The following CHRM3 variants were observed in gnomAD, a reference collection of about 807,000 sequenced individuals.
The protein encoded by CHRM3 is muscarinic acetylcholine receptor M3.
In CHRM3, 11 loss-of-function variants were observed where a neutral mutation model predicts 41.8. That is an observed-to-expected ratio of 0.26 (90% CI 0.17 to 0.44). CHRM3 has a LOEUF of 0.44. Ranked by LOEUF, CHRM3 falls within the 20% of genes least tolerant of loss-of-function variation. CHRM3 has a pLI of 1.00. For missense variants in CHRM3, 571 were observed against 745.4 expected (o/e 0.77, Z 2.72); for synonymous variants, 297 against 301.4 (o/e 0.99, Z 0.15).
chr1:239,643,029 A>C (rs1233558612), intron 4 of CHRM3, among the ~76,000 whole-genome samples: 3 of 152,022 alleles, frequency 2.0e-5, no homozygotes, highest in South Asian at 2.1e-4. Context: ...CTAGAGGTCC[A>C]CTCCAGACCC....
chr1:239,629,985 A>G (rs1286876160), intron 3 of CHRM3, among the ~76,000 whole-genome samples: 1 of 152,200 alleles, frequency 6.6e-6, no homozygotes, highest in Non-Finnish European at 1.5e-5. Flanking sequence ...CTCTAAATGA[A>G]TGTTACATGC....
chr1:239,859,821 A>ATATATATATATT lies in CHRM3; in HGVS notation c.-20+32454_-20+32455insTTATATATATAT, dbSNP rs1159347791. On this transcript the variant is annotated intron_variant, in intron 6 of 6. Coordinates refer to ENST00000676153, the MANE Select transcript of CHRM3 (RefSeq NM_001375978.1). ...ATTATATATAAGTTCTAAGTGTTTTATATATATATATATATATATATATAT... is the reference window on the plus strand; with the variant it reads ...ATTATATATAAGTTCTAAGTGTTTTATATATATATATTTATATATATATATATATATATATAT... Among the ~76,000 whole-genome samples, 305 of 32,370 alleles carry ATATATATATATT rather than the reference A, an allele frequency of 9.4e-3. 1 individual carries two copies. Among genetic ancestry groups the ATATATATATATT allele is most frequent in the African/African-American group, 0.017 (284 of 16,614 alleles). The allele number at this position is 32,370 out of a possible 152,430, so 21.2% of individuals were successfully genotyped here.
chr1:239,653,223 AG>A (rs1391788318), intron 4 of CHRM3, among the ~76,000 whole-genome samples: 3 of 152,100 alleles, frequency 2.0e-5, no homozygotes, highest in African/African-American at 7.2e-5. Flanking sequence ...ATCACGAGTA[AG>A]GGGGATTCCT....
rs141776355 is a variant in CHRM3, at chr1:239,437,528, C to G, written c.-521+50301C>G. Among the ~76,000 whole-genome samples the G allele has an allele frequency of 3.1e-3, 478 of 152,240 alleles. 6 individuals are homozygous for G. Among genetic ancestry groups the G allele is most frequent in the African/African-American group, 0.011 (454 of 41,550 alleles). ...AATTGTGGTGACATGGAAAGCCTTTCTTTTTATTTTTATTTTTATTTTTTT... is the reference window on the plus strand; with the variant it reads ...AATTGTGGTGACATGGAAAGCCTTTGTTTTTATTTTTATTTTTATTTTTTT... On this transcript the variant is annotated intron_variant, in intron 1 of 6. Transcript: ENST00000676153.
In CHRM3 at chr1:239,858,784, G is replaced by T. The variant is rs143397541; in HGVS notation, c.-20+31406G>T. On this transcript the variant is annotated intron_variant, in intron 6 of 6. Transcript: ENST00000676153. Reference sequence around the variant, plus strand: ...ATTTGTTCCTAGAGCCCCTCCCCCAGCAGCTACCAGTCTGTTTTCTGTGTC... The same window carrying T: ...ATTTGTTCCTAGAGCCCCTCCCCCATCAGCTACCAGTCTGTTTTCTGTGTC... 5.9e-5 allele frequency among the ~76,000 whole-genome samples: 9 copies of T among 152,214 alleles called. No individual in the cohort carries two copies. In the East Asian group the frequency reaches 7.7e-4, roughly 13 times the overall value.
At chr1:239,450,701 G>T (rs1192515354) in intron 1 of CHRM3, among the ~76,000 whole-genome samples, 3 of 152,106 alleles carry the variant, frequency 2.0e-5, no homozygotes, top group African/African-American at 7.2e-5. Context: ...TGCCAAATGG[G>T]CCCCTAGAGA....
At chr1:239,714,788 G>A (rs1158826225) in intron 5 of CHRM3, among the ~76,000 whole-genome samples, 2 of 152,106 alleles carry the variant, frequency 1.3e-5, no homozygotes, top group African/African-American at 4.8e-5. Flanking sequence ...CAAGGAAGGA[G>A]GCAAAATTTG....
chr1:239,532,015 T>TTC (rs1334061460), intron 2 of CHRM3, among the ~76,000 whole-genome samples: 1 of 119,220 alleles, frequency 8.4e-6, no homozygotes, highest in African/African-American at 3.1e-5. Flanking sequence ...CTTTCTTTTT[T>TTC]TTTTTTTTTT....
chr1:239,415,002 T>C (rs887232480), intron 1 of CHRM3, among the ~76,000 whole-genome samples: 1 of 152,214 alleles, frequency 6.6e-6, no homozygotes, highest in Non-Finnish European at 1.5e-5. Flanking sequence ...TATAATGAAC[T>C]GCAAACAGGT....
At chr1:239,400,268 G>A (rs1225294180) in intron 1 of CHRM3, among the ~76,000 whole-genome samples, 1 of 152,026 alleles carries the variant, frequency 6.6e-6, no homozygotes, top group Non-Finnish European at 1.5e-5. Flanking sequence ...AGAAATCTCT[G>A]TTCACATCTT....
At chr1:239,517,841 A>G (rs1440248392) in intron 2 of CHRM3, among the ~76,000 whole-genome samples, 1 of 152,198 alleles carries the variant, frequency 6.6e-6, no homozygotes, top group Non-Finnish European at 1.5e-5. Context: ...GTGATGAGAT[A>G]AAGACAGTTT....
intron 4 of CHRM3, among the ~76,000 whole-genome samples, chr1:239,663,391 C>T (rs553926631): frequency 1.3e-5 from 2 of 152,246 alleles, no homozygotes; most frequent in Non-Finnish European, 1.5e-5. Context: ...ATATGTCTTT[C>T]GATTGTGCCA....
chr1:239,406,154 T>C (rs148222245), intron 1 of CHRM3, among the ~76,000 whole-genome samples: 2 of 152,136 alleles, frequency 1.3e-5, no homozygotes, highest in Non-Finnish European at 2.9e-5. Context: ...CCTCCCAAAG[T>C]GCTGGGATTA....
intron 2 of CHRM3, among the ~76,000 whole-genome samples, chr1:239,505,730 A>G (rs1558274114): frequency 6.6e-6 from 1 of 152,222 alleles, no homozygotes; most frequent in Non-Finnish European, 1.5e-5. Context: ...ACTGGGTAAC[A>G]GGCAGATGTT....
intron 3 of CHRM3, among the ~76,000 whole-genome samples, chr1:239,605,526 A>T (rs1666141284): frequency 6.6e-6 from 1 of 152,184 alleles, no homozygotes; most frequent in Admixed American, 6.5e-5. Flanking sequence ...GCAAAGCATG[A>T]CTGTACAGAA....
intron 1 of CHRM3, among the ~76,000 whole-genome samples, chr1:239,404,350 GAGAAAGAAAGAAAGAAAGAAAGAAAGAA>G (rs1178581793): frequency 1.5e-5 from 1 of 68,702 alleles, no homozygotes; most frequent in Non-Finnish European, 2.8e-5. Flanking sequence ...GAAAGAGAAA[GAGAAAGAAAGAAAGAAAGAAAGAAAGAA>G]AGAAAGAAAG....
intron 5 of CHRM3, among the ~76,000 whole-genome samples, chr1:239,796,230 AC>A (rs1488703811): frequency 6.6e-6 from 1 of 151,998 alleles, no homozygotes; most frequent in African/African-American, 2.4e-5. Context: ...CTGTCATGGT[AC>A]TCCCGTCTTT....
intron 5 of CHRM3, among the ~76,000 whole-genome samples, chr1:239,737,890 A>G (rs952714041): frequency 6.2e-4 from 94 of 152,294 alleles, no homozygotes; most frequent in African/African-American, 2.1e-3. Flanking sequence ...CATACGGGCA[A>G]TTAAAAAACA....
intron 1 of CHRM3, among the ~76,000 whole-genome samples, chr1:239,423,692 A>G (rs762064794): frequency 6.6e-6 from 1 of 152,182 alleles, no homozygotes; most frequent in Non-Finnish European, 1.5e-5. Flanking sequence ...ACTGGTACAG[A>G]GTAGAAGCCC....
Sources: gnomAD v4.1 joint callset for allele counts (sites outside exome capture counted in the v4.1 genomes callset) on GRCh38, gnomAD v4.1.1 for gene constraint, MANE v1.5 for transcripts, NCBI Gene and HGNC (gene_info 2026-07-23, HGNC 2026-07-21) for gene names.